The following PCDH9 variants were observed in gnomAD, a reference collection of about 807,000 sequenced individuals.
PCDH9 encodes protocadherin-9.
PCDH9 carries 24 observed loss-of-function variants against 70.6 expected under a neutral mutation model. The observed-to-expected ratio is 0.34, with a 90% CI of 0.25 to 0.48. The LOEUF (loss-of-function observed/expected upper bound fraction) is 0.48. PCDH9 is among the 20% of genes least tolerant of loss of function. The probability of loss-of-function intolerance (pLI) is 0.99; values close to 1 mark genes in which losing one functional copy is unlikely to be tolerated. For synonymous variants in PCDH9, 562 were observed against 558.5 expected (o/e 1.01, Z -0.09); for missense variants, 1,281 against 1,503.6 (o/e 0.85, Z 2.45).
chr13:67,204,016 A>G (rs2089280351), intron 2 of PCDH9: 1 of 152,104 alleles, frequency 6.6e-6, no homozygotes, highest in African/African-American at 2.4e-5. Context: ...CTTCAAAAAG[A>G]CATGGAAAAA....
chr13:67,089,261 A>G (rs2086169386), intron 2 of PCDH9, among the ~76,000 whole-genome samples: 1 of 152,072 alleles, frequency 6.6e-6, no homozygotes, highest in Admixed American at 6.6e-5. Flanking sequence ...GTGCAGAAAT[A>G]GAATTGTCCA....
At chr13:66,559,685 A>G (rs1241265666) in intron 4 of PCDH9, among the ~76,000 whole-genome samples, 1 of 150,036 alleles carries the variant, frequency 6.7e-6, no homozygotes, top group African/African-American at 2.5e-5. Flanking sequence ...CTGTAGTCCC[A>G]GCTTCTCAGG....
rs144468737 is a variant in PCDH9 at position 67,168,133 on chromosome 13, T to C, written c.3036+57272A>G. Among the ~76,000 whole-genome samples, 17 of 152,338 alleles carry C rather than the reference T, an allele frequency of 1.1e-4. No individual in the cohort carries two copies. In the East Asian group the frequency reaches 2.9e-3, roughly 26 times the overall value. Reference sequence around the variant, plus strand: ...AACTTCTCCAGAAAATCACTTGTTATCCAAAAGCAAGTGAAAATCCATATT... The same window carrying C: ...AACTTCTCCAGAAAATCACTTGTTACCCAAAAGCAAGTGAAAATCCATATT... On this transcript the variant is annotated intron_variant, in intron 2 of 4. Coordinates refer to ENST00000377865, the MANE Select transcript of PCDH9 (RefSeq NM_203487.3).
rs948307854 is a variant in PCDH9, at chr13:66,903,554, G to A, written c.3088C>T (p.Pro1030Ser). ...TGAATGTGGAAACCCGTGGAGCTGG[G>A]ACATTTCTGAGGAGTGACAGGAATA... ...DNIPVTPQKC[P>S]SSTGFHIQEN... is the part of the protein sequence containing the mutation. The change falls in exon 3 of 5, where the codon CCC becomes TCC. Residue 1030 changes from proline (P) to serine (S), a missense_variant. Pro to Ser is a moderately conservative substitution (Grantham distance 74, BLOSUM62 -1). Transcript: ENST00000377865. 1 of 1,585,966 alleles carries A rather than the reference G, an allele frequency of 6.3e-7. No homozygotes were observed. The highest frequency in any genetic ancestry group is 1.1e-5 in the South Asian group (1 of 90,198).
At chr13:66,804,833 A>T (rs2080386821) in intron 3 of PCDH9, among the ~76,000 whole-genome samples, 1 of 151,992 alleles carries the variant, frequency 6.6e-6, no homozygotes, top group South Asian at 2.1e-4. Context: ...TAGGAGGGGG[A>T]CTATATATAA....
chr13:66,905,485 T>A (rs1259299442), intron 2 of PCDH9, among the ~76,000 whole-genome samples: 2 of 152,270 alleles, frequency 1.3e-5, no homozygotes, highest in African/African-American at 4.8e-5. Flanking sequence ...TAAATATTTT[T>A]AAAATATTCA....
At chr13:66,588,455 C>G (rs2076992868) in intron 4 of PCDH9, among the ~76,000 whole-genome samples, 2 of 150,982 alleles carry the variant, frequency 1.3e-5, no homozygotes, top group Admixed American at 1.3e-4. Context: ...ACTGTTATTA[C>G]TTTTTATTTT....
chr13:66,513,529 A>T (rs892229375), intron 4 of PCDH9, among the ~76,000 whole-genome samples: 1 of 152,068 alleles, frequency 6.6e-6, no homozygotes, highest in Non-Finnish European at 1.5e-5. Flanking sequence ...TCAATCAAAA[A>T]CAACACAGTC....
At chr13:67,229,528 G>A (rs1403559524) in intron 1 of PCDH9, among the ~76,000 whole-genome samples, 1 of 152,202 alleles carries the variant, frequency 6.6e-6, no homozygotes, top group African/African-American at 2.4e-5. Flanking sequence ...TTAAATGGGT[G>A]CAAGGCTCCA....
intron 3 of PCDH9, among the ~76,000 whole-genome samples, chr13:66,685,761 A>T (rs1208466948): frequency 3.3e-5 from 5 of 152,224 alleles, no homozygotes; most frequent in Non-Finnish European, 7.3e-5. Context: ...CCTGTATGTG[A>T]GACATGGAGT....
intron 3 of PCDH9, among the ~76,000 whole-genome samples, chr13:66,766,618 G>GA (rs1383007973): frequency 2.0e-5 from 3 of 151,696 alleles, no homozygotes; most frequent in Non-Finnish European, 2.9e-5. Flanking sequence ...GGGAGGAGAG[G>GA]AAAAAAATGT....
At chr13:66,918,235 G>C (rs972788196) in intron 2 of PCDH9, among the ~76,000 whole-genome samples, 1 of 151,132 alleles carries the variant, frequency 6.6e-6, no homozygotes, top group Non-Finnish European at 1.5e-5. Context: ...GAGAGGAAGA[G>C]AGGGAGAGAG....
chr13:66,981,713 A>G (rs543811375), intron 2 of PCDH9, among the ~76,000 whole-genome samples: 38 of 152,112 alleles, frequency 2.5e-4, no homozygotes, highest in Non-Finnish European at 4.9e-4. Context: ...ATGTTTATAC[A>G]CTTTCCTGAT....
intron 4 of PCDH9, among the ~76,000 whole-genome samples, chr13:66,462,728 T>G (rs1167384377): frequency 6.6e-6 from 1 of 151,704 alleles, no homozygotes; most frequent in Non-Finnish European, 1.5e-5. Flanking sequence ...ATGCCTTAAA[T>G]TCCTGAAATG....
chr13:66,393,817 C>G (rs1034226537), intron 4 of PCDH9, among the ~76,000 whole-genome samples: 5 of 152,038 alleles, frequency 3.3e-5, no homozygotes, highest in Non-Finnish European at 7.4e-5. Flanking sequence ...GATGACAGGA[C>G]TGAAGTTCAT....
At chr13:66,522,386 G>T (rs1960035197) in intron 4 of PCDH9, among the ~76,000 whole-genome samples, 1 of 152,054 alleles carries the variant, frequency 6.6e-6, no homozygotes, top group South Asian at 2.1e-4. Context: ...GTTAAGAATT[G>T]TGTAGCTTTC....
chr13:67,025,646 A>G (rs2084764567), intron 2 of PCDH9, among the ~76,000 whole-genome samples: 1 of 152,130 alleles, frequency 6.6e-6, no homozygotes, highest in Non-Finnish European at 1.5e-5. Flanking sequence ...ATAGTATATT[A>G]AAAATTACTG....
intron 3 of PCDH9, among the ~76,000 whole-genome samples, chr13:66,783,774 CATT>C (rs2080036827): frequency 6.6e-6 from 1 of 152,100 alleles, no homozygotes; most frequent in African/African-American, 2.4e-5. Flanking sequence ...TTCCTCTAAA[CATT>C]ATACGTCCTC....
intron 2 of PCDH9, among the ~76,000 whole-genome samples, chr13:67,030,640 T>C (rs1478309787): frequency 6.6e-6 from 1 of 152,116 alleles, no homozygotes; most frequent in African/African-American, 2.4e-5. Flanking sequence ...ATATCACATG[T>C]ACCCCATAAA....
Sources: gnomAD v4.1 joint callset for allele counts (sites outside exome capture counted in the v4.1 genomes callset) on GRCh38, gnomAD v4.1.1 for gene constraint, MANE v1.5 for transcripts, NCBI Gene and HGNC (gene_info 2026-07-23, HGNC 2026-07-21) for gene names.